Variants in VIRMA observed in about 807,000 individuals in gnomAD.
The protein encoded by VIRMA is vir like m6A methyltransferase associated, also known as protein virilizer homolog.
VIRMA carries 65 observed loss-of-function variants against 182.4 expected under a neutral mutation model. The ratio of observed to expected loss-of-function variants is 0.36; its 90% CI spans 0.29 to 0.44. The LOEUF (loss-of-function observed/expected upper bound fraction) is 0.44. Ranked by LOEUF, VIRMA falls within the 20% of genes least tolerant of loss-of-function variation. VIRMA has a pLI of 1.00. For missense variants in VIRMA, 1,752 were observed against 2,158.1 expected (o/e 0.81, Z 3.73); for synonymous variants, 709 against 743.1 (o/e 0.95, Z 0.75).
chr8:94,544,018 C>T (rs1426390848), intron 1 of VIRMA, 76 bp from the exon 2 acceptor site: 1 of 720,958 alleles, frequency 1.4e-6, no homozygotes, highest in East Asian at 2.5e-5. Flanking sequence ...AAATTTTATT[C>T]ATTCACAATG....
chr8:94,495,637 G>C, intron 19 of VIRMA, 94 bp downstream of exon 19: 1 of 884,632 alleles, frequency 1.1e-6, no homozygotes, highest in East Asian at 2.6e-5. Flanking sequence ...TTACTATCTG[G>C]CCCTTTATAG....
At chr8:94,523,712 ACTG>A in intron 8 of VIRMA, among the ~76,000 whole-genome samples, 1 of 149,246 alleles carries the variant, frequency 6.7e-6, no homozygotes. Flanking sequence ...CACTGCAACC[ACTG>A]CCTCCTGGGT....
In VIRMA at chr8:94,544,680, A is replaced by G. The variant is rs1169112837; in HGVS notation, c.64-738T>C. Among the ~76,000 whole-genome samples, 27 of 145,728 alleles carry G rather than the reference A, an allele frequency of 1.9e-4. 1 individual carries two copies. The East Asian group carries it at 5.1e-3, about 28-fold the overall frequency. ...TCTGTCTCAAAAAAAAAAAAAAAAAAGAAAAAAAAAGATTATAACAAGCAC... is the reference window on the plus strand; with the variant it reads ...TCTGTCTCAAAAAAAAAAAAAAAAAGGAAAAAAAAAGATTATAACAAGCAC... On this transcript the variant is annotated intron_variant, in intron 1 of 23. Coordinates refer to ENST00000297591, the MANE Select transcript of VIRMA (RefSeq NM_015496.5).
chr8:94,550,587 T>C (rs903768676), intron 1 of VIRMA, among the ~76,000 whole-genome samples: 4 of 152,192 alleles, frequency 2.6e-5, no homozygotes, highest in Non-Finnish European at 5.9e-5. Flanking sequence ...CCACGGCGCC[T>C]GGCCTTCTCT....
At chr8:94,521,579 A>C (rs1056655475) in intron 8 of VIRMA, among the ~76,000 whole-genome samples, 13 of 152,192 alleles carry the variant, frequency 8.5e-5, no homozygotes, top group African/African-American at 2.7e-4. Flanking sequence ...TGAAAGTTAA[A>C]AAGAATAAAA....
intron 10 of VIRMA, among the ~76,000 whole-genome samples, chr8:94,516,906 C>T (rs980732862): frequency 2.0e-5 from 3 of 152,126 alleles, no homozygotes; most frequent in Admixed American, 2.0e-4. Context: ...ATTTACTCAA[C>T]GTTATCAAAT....
chr8:94,551,555 A>G (rs927376465), intron 1 of VIRMA, among the ~76,000 whole-genome samples: 1 of 152,144 alleles, frequency 6.6e-6, no homozygotes, highest in East Asian at 1.9e-4. Flanking sequence ...GCCTTCCCCA[A>G]TCACCCCAGA....
At chr8:94,528,724 A>G (rs1373727124) in intron 7 of VIRMA, among the ~76,000 whole-genome samples, 2 of 152,218 alleles carry the variant, frequency 1.3e-5, no homozygotes, top group Non-Finnish European at 2.9e-5. Flanking sequence ...CTCTGAAAAC[A>G]GCCACCAAAT....
chr8:94,495,603 T>G, intron 19 of VIRMA, 128 bp downstream of exon 19: 2 of 580,506 alleles, frequency 3.4e-6, no homozygotes, highest in South Asian at 5.6e-5. Flanking sequence ...ACAGAGGCTG[T>G]ATGGCCTGCA....
At chr8:94,538,522 T>A (rs532257351) in intron 2 of VIRMA, among the ~76,000 whole-genome samples, 176 bp from the exon 3 acceptor site, 70 of 152,302 alleles carry the variant, frequency 4.6e-4, no homozygotes, top group Non-Finnish European at 9.0e-4. Context: ...TTTATTCACA[T>A]CCAATCTCAA....
At chr8:94,526,126 TA>T in intron 8 of VIRMA, 96 bp downstream of exon 8, 2 of 879,118 alleles carry the variant, frequency 2.3e-6, no homozygotes, top group Non-Finnish European at 3.6e-6. Flanking sequence ...TACACATAAA[TA>T]AGTTACCTAC....
rs1175058697 is a variant in VIRMA at position 94,494,591 on chromosome 8, C to CAAAA, written c.4641+265_4641+268dup. On this transcript the variant is annotated intron_variant, in intron 20 of 23. Coordinates refer to ENST00000297591, the MANE Select transcript of VIRMA (RefSeq NM_015496.5). Reference sequence around the variant, plus strand: ...TGGGTGACAGAGTGAGACTCTGTCTCAAAAAAAAAAAAAAAAAAAAAAAAA... The same window carrying CAAAA: ...TGGGTGACAGAGTGAGACTCTGTCTCAAAAAAAAAAAAAAAAAAAAAAAAAAAAA... Among the ~76,000 whole-genome samples, 330 of 42,916 alleles carry CAAAA rather than the reference C, an allele frequency of 7.7e-3. 21 individuals are homozygous for CAAAA. The highest frequency in any genetic ancestry group is 0.029 in the African/African-American group (291 of 10,004). 28.2% of individuals were successfully genotyped at this position (42,916 alleles called of 152,430 possible).
At chr8:94,538,846 T>G (rs1815437681) in intron 2 of VIRMA, among the ~76,000 whole-genome samples, 1 of 152,134 alleles carries the variant, frequency 6.6e-6, no homozygotes, top group Admixed American at 6.5e-5. Flanking sequence ...ACTCCTGACC[T>G]CAGGAGATTC....
intron 15 of VIRMA, among the ~76,000 whole-genome samples, chr8:94,507,893 G>GTATATATATGTATATATGTATATATGTA (rs1554553852): frequency 5.0e-5 from 7 of 140,426 alleles, no homozygotes; most frequent in Admixed American, 4.2e-4. Context: ...ATGTATATAT[G>GTATATATATGTATATATGTATATATGTA]TATATATATG....
chr8:94,527,883 A>G (rs1815029020), intron 7 of VIRMA, among the ~76,000 whole-genome samples: 1 of 152,192 alleles, frequency 6.6e-6, no homozygotes, highest in African/African-American at 2.4e-5. Flanking sequence ...ATTTCTCTGC[A>G]TTTACCTATC....
chr8:94,545,706 G>C (rs1815733470), intron 1 of VIRMA, among the ~76,000 whole-genome samples: 1 of 152,118 alleles, frequency 6.6e-6, no homozygotes, highest in Admixed American at 6.6e-5. Context: ...CAGGTTGTAG[G>C]CAAACAAGGG....
rs561616255 is a variant in VIRMA at position 94,524,585 on chromosome 8, G to A, written c.2021+1638C>T. Among the ~76,000 whole-genome samples, 138 of 152,240 alleles carry A rather than the reference G, an allele frequency of 9.1e-4. 1 individual carries two copies. Among genetic ancestry groups the A allele is most frequent in the African/African-American group, 2.6e-3 (106 of 41,546 alleles). ...CTCCCAAAGTGCTGGGATTACAGGCGTGAGCCACCACACCCGGCTCTAGTT... is the reference window on the plus strand; with the variant it reads ...CTCCCAAAGTGCTGGGATTACAGGCATGAGCCACCACACCCGGCTCTAGTT... On this transcript the variant is annotated intron_variant, in intron 8 of 23. Coordinates refer to ENST00000297591, the MANE Select transcript of VIRMA (RefSeq NM_015496.5).
At position 94,519,433 on chromosome 8, in the gene VIRMA, G is replaced by A; in HGVS notation, c.2065C>T (p.Leu689=). ...HHFLELVTLL[L]SIPVTSAHPG... is the part of the protein sequence containing the mutation. ...TGAGCACTTGTTACTGGAATTGACAGAAGCAAGGTAACCAACTCCAAGAAG... is the reference window on the plus strand; with the variant it reads ...TGAGCACTTGTTACTGGAATTGACAAAAGCAAGGTAACCAACTCCAAGAAG... Residue 689 remains leucine (L), a synonymous_variant, in exon 9 of 24, where the codon CTG becomes TTG. Transcript: ENST00000297591. The A allele has an allele frequency of 2.0e-6, 3 of 1,527,878 alleles. No individual in the cohort carries two copies. Among genetic ancestry groups the A allele is most frequent in the South Asian group, 1.3e-5 (1 of 74,966 alleles). 94.6% of individuals were successfully genotyped at this position (1,527,878 alleles called of 1,614,324 possible).
At chr8:94,514,089 T>TCA (rs753167296) in intron 11 of VIRMA, among the ~76,000 whole-genome samples, 6 of 141,120 alleles carry the variant, frequency 4.3e-5, no homozygotes, top group East Asian at 4.6e-4. Flanking sequence ...TCTCTCTCTC[T>TCA]CACACACACA....
Sources: gnomAD v4.1 joint callset for allele counts (sites outside exome capture counted in the v4.1 genomes callset) on GRCh38, gnomAD v4.1.1 for gene constraint, MANE v1.5 for transcripts, NCBI Gene and HGNC (gene_info 2026-07-23, HGNC 2026-07-21) for gene names.